Variants in MEGF10 observed in about 807,000 individuals in gnomAD.
The protein encoded by MEGF10 is multiple EGF like domains 10, also known as multiple epidermal growth factor-like domains protein 10.
MEGF10 carries 86 observed loss-of-function variants against 147.5 expected under a neutral mutation model. That is an observed-to-expected ratio of 0.58 (90% confidence interval 0.49 to 0.70). MEGF10 has a LOEUF of 0.70. Ranked by LOEUF, MEGF10 falls within the 30% of genes least tolerant of loss-of-function variation. The probability of loss-of-function intolerance (pLI) is 0.00; values close to 1 mark genes in which losing one functional copy is unlikely to be tolerated. For missense variants in MEGF10, 1,329 were observed against 1,487.3 expected (o/e 0.89, Z 1.75); for synonymous variants, 478 against 525.5 (o/e 0.91, Z 1.24).
intron 18 of MEGF10, 70 bp downstream of exon 18, chr5:127,440,937 G>A: frequency 6.4e-7 from 1 of 1,570,056 alleles, no homozygotes; most frequent in African/African-American, 1.4e-5. Flanking sequence ...TAGATGCCAG[G>A]AAATATTAAG....
chr5:127,240,736 A>G, the MEGF10 span, among the ~76,000 whole-genome samples: 1 of 152,204 alleles, frequency 6.6e-6, no homozygotes, highest in Non-Finnish European at 1.5e-5. Context: ...TGAAGGAAAT[A>G]TTGTTTTCTA....
intron 5 of MEGF10, among the ~76,000 whole-genome samples, chr5:127,391,135 CACACACACACACACACACATACAT>C (rs1386915540): frequency 0.013 from 1,609 of 126,798 alleles, 37 homozygotes; most frequent in East Asian, 0.033. Flanking sequence ...CACACACACA[CACACACACACACACACACATACAT>C]GCTTATTTCT....
intron 1 of MEGF10, among the ~76,000 whole-genome samples, chr5:127,318,167 A>G (rs1314900529): frequency 6.6e-6 from 1 of 152,188 alleles, no homozygotes; most frequent in Non-Finnish European, 1.5e-5. Context: ...AGAAGGTACC[A>G]TCTATGAATC....
At chr5:127,248,046 G>A in the MEGF10 span, among the ~76,000 whole-genome samples, 1 of 152,070 alleles carries the variant, frequency 6.6e-6, no homozygotes, top group Admixed American at 6.6e-5. Flanking sequence ...ACTGCTAAGA[G>A]ATATTGCAGT....
intron 5 of MEGF10, among the ~76,000 whole-genome samples, chr5:127,393,356 C>T (rs552080030): frequency 1.3e-5 from 2 of 152,302 alleles, no homozygotes; most frequent in East Asian, 3.9e-4. Flanking sequence ...TCAGTGTACC[C>T]TTGTAGTTAT....
intron 4 of MEGF10, among the ~76,000 whole-genome samples, chr5:127,363,806 A>T (rs1156394044): frequency 6.6e-6 from 1 of 152,222 alleles, no homozygotes; most frequent in Non-Finnish European, 1.5e-5. Flanking sequence ...AAGTGCAAAC[A>T]TCTAGGTTCC....
chr5:127,237,622 G>T, the MEGF10 span, among the ~76,000 whole-genome samples: 1 of 152,184 alleles, frequency 6.6e-6, no homozygotes, highest in Admixed American at 6.5e-5. Flanking sequence ...GCTGAGTTGG[G>T]GAGACAATAA....
intron 22 of MEGF10, among the ~76,000 whole-genome samples, chr5:127,450,207 G>T (rs1766102621): frequency 6.6e-6 from 1 of 152,194 alleles, no homozygotes; most frequent in South Asian, 2.1e-4. Flanking sequence ...AAATATTGTT[G>T]TTGTATTGTT....
chr5:127,314,020 A>G (rs1019375803), intron 1 of MEGF10, among the ~76,000 whole-genome samples: 1 of 152,148 alleles, frequency 6.6e-6, no homozygotes, highest in Non-Finnish European at 1.5e-5. Context: ...AAAGTTGGCC[A>G]ACCAAGGGCG....
intron 1 of MEGF10, among the ~76,000 whole-genome samples, chr5:127,318,549 A>G (rs1760657584): frequency 1.3e-5 from 2 of 152,330 alleles, no homozygotes; most frequent in South Asian, 2.1e-4. Context: ...TGAAGTAGCC[A>G]GATGATATGC....
chr5:127,389,084 A>G (rs1763548316), intron 5 of MEGF10, among the ~76,000 whole-genome samples: 1 of 152,214 alleles, frequency 6.6e-6, no homozygotes, highest in African/African-American at 2.4e-5. Context: ...GAATGGCCTC[A>G]TGTAAAGCCC....
At chr5:127,307,442 C>T (rs999164891) in intron 1 of MEGF10, among the ~76,000 whole-genome samples, 7 of 152,098 alleles carry the variant, frequency 4.6e-5, no homozygotes, top group African/African-American at 7.2e-5. Flanking sequence ...TGCCTGGCCA[C>T]GGAGCTGCAC....
chr5:127,267,598 G>T, the MEGF10 span, among the ~76,000 whole-genome samples: 4 of 152,124 alleles, frequency 2.6e-5, no homozygotes, highest in African/African-American at 7.2e-5. Flanking sequence ...CTCAATTTCA[G>T]AGCCTGTTAT....
At chr5:127,432,495 T>C (rs761402219) in intron 13 of MEGF10, among the ~76,000 whole-genome samples, 5 of 152,230 alleles carry the variant, frequency 3.3e-5, no homozygotes, top group Non-Finnish European at 7.3e-5. Flanking sequence ...CACTACTAAT[T>C]ATAACTTATT....
chr5:127,340,567 A>G lies in MEGF10; in HGVS notation c.256A>G (p.Thr86Ala). The part of the protein sequence containing the change: ...YRTAYRHGEK[T>A]MYRRKSQCCP... ...GACAGCCTATCGACATGGGGAGAAG[A>G]CTATGTATAGGCGCAAGTCTCAGTG... Residue 86 changes from threonine to alanine, a missense_variant, in exon 4 of 25, where the codon ACT becomes GCT. Transcript: ENST00000503335. 1 of 1,612,946 alleles carries G rather than the reference A, an allele frequency of 6.2e-7. No homozygotes were observed. Among genetic ancestry groups the G allele is most frequent in the Non-Finnish European group, 8.5e-7 (1 of 1,179,156 alleles).
chr5:127,378,636 A>G (rs1763125024), intron 5 of MEGF10, among the ~76,000 whole-genome samples: 1 of 152,058 alleles, frequency 6.6e-6, no homozygotes, highest in Non-Finnish European at 1.5e-5. Flanking sequence ...TATTTTTTGT[A>G]GAGGCAGGGT....
At chr5:127,268,584 G>A in the MEGF10 span, among the ~76,000 whole-genome samples, 1 of 152,300 alleles carries the variant, frequency 6.6e-6, no homozygotes, top group East Asian at 1.9e-4. Flanking sequence ...TAAACAAAGG[G>A]GCCAGGAAGC....
chr5:127,374,866 A>G (rs1762969582), intron 5 of MEGF10, among the ~76,000 whole-genome samples: 1 of 152,182 alleles, frequency 6.6e-6, no homozygotes, highest in Non-Finnish European at 1.5e-5. Context: ...TCCCTCTTCT[A>G]CTTCCCATCC....
At chr5:127,451,549 C>G (rs1766157023) in intron 22 of MEGF10, among the ~76,000 whole-genome samples, 1 of 152,120 alleles carries the variant, frequency 6.6e-6, no homozygotes, top group Non-Finnish European at 1.5e-5. Flanking sequence ...TATAATTTAG[C>G]TCAAAGGAAT....
Sources: allele counts gnomAD v4.1 joint callset (sites outside exome capture counted in the v4.1 genomes callset), GRCh38; gene constraint gnomAD v4.1.1; transcripts MANE v1.5; gene names NCBI Gene and HGNC (gene_info 2026-07-23, HGNC 2026-07-21).